Variants in NLRP13 observed in about 807,000 individuals in gnomAD.
The protein encoded by NLRP13 is NLR family pyrin domain containing 13.
In NLRP13, 82 loss-of-function variants were observed where a neutral mutation model predicts 94.4. The observed-to-expected ratio is 0.87, with a 90% CI of 0.73 to 1.04. The LOEUF is 1.04. Ranked by LOEUF, NLRP13 falls within the 50% of genes least tolerant of loss-of-function variation. The pLI, the probability that NLRP13 is intolerant of heterozygous loss-of-function variation, is 0.00. For missense variants in NLRP13, 1,426 were observed against 1,230.8 expected (o/e 1.16, Z -2.37); for synonymous variants, 553 against 464.7 (o/e 1.19, Z -2.45).
chr19:55,925,954 G>A (rs1986957059), intron 1 of NLRP13, among the ~76,000 whole-genome samples: 1 of 152,070 alleles, frequency 6.6e-6, no homozygotes, highest in Non-Finnish European at 1.5e-5. Context: ...CCCTACCTGT[G>A]GAGTCTGAGC....
chr19:55,920,405 T>C (rs1986788970), intron 4 of NLRP13, among the ~76,000 whole-genome samples: 1 of 152,034 alleles, frequency 6.6e-6, no homozygotes, highest in South Asian at 2.1e-4. Context: ...GGAAAAAATA[T>C]TTGCAAAGTA....
intron 7 of NLRP13, among the ~76,000 whole-genome samples, chr19:55,906,461 C>G (rs4239483): frequency 6.6e-6 from 1 of 151,768 alleles, no homozygotes; most frequent in African/African-American, 2.4e-5. Flanking sequence ...TCCCCAAAAC[C>G]TACCCACTGC....
In NLRP13 at chr19:55,925,046, C is replaced by T; in HGVS notation, c.320-11G>A. ...GGGTCTGCACATTCTCTGAAACAAA[C>T]AGTGATGATGACATATGAGAATACC... On this transcript the variant is annotated splice_polypyrimidine_tract_variant and intron_variant, in intron 1 of 10. Coordinates refer to ENST00000342929, the MANE Select transcript of NLRP13 (RefSeq NM_176810.2). The T allele has an allele frequency of 6.2e-7, 1 of 1,613,260 alleles. No individual in the cohort carries two copies. The highest frequency in any genetic ancestry group is 8.5e-7 in the Non-Finnish European group (1 of 1,179,310).
Position 55,898,716 on chromosome 19 carries a change from C to T in NLRP13, c.2957+54G>A, listed in dbSNP as rs1986082871. 5.3e-6 allele frequency: 8 copies of T among 1,506,394 alleles called. No homozygotes were observed. In the South Asian group the frequency reaches 9.2e-5, roughly 17 times the overall value. 93.3% of individuals were successfully genotyped at this position (1,506,394 alleles called of 1,614,324 possible). On this transcript the variant is annotated intron_variant, in intron 10 of 10. Coordinates refer to ENST00000342929, the MANE Select transcript of NLRP13 (RefSeq NM_176810.2). ...CCCGATGGGATCCGATCATATCTCC[C>T]CACCCGCAAGAGTAGAGAAGGAAGA...
chr19:55,893,889 C>T (rs1249453756), downstream of NLRP13, among the ~76,000 whole-genome samples: 1 of 152,062 alleles, frequency 6.6e-6, no homozygotes, highest in Non-Finnish European at 1.5e-5. Flanking sequence ...TTAAAATGCA[C>T]CACTGAAGTG....
chr19:55,907,119 C>T lies in NLRP13; in HGVS notation c.2447+673G>A, dbSNP rs556892199. Among the ~76,000 whole-genome samples, 12 of 152,106 alleles carry T rather than the reference C, an allele frequency of 7.9e-5. No homozygotes were observed. The East Asian group carries it at 1.9e-3, about 25-fold the overall frequency. On this transcript the variant is annotated intron_variant, in intron 7 of 10. Transcript: ENST00000342929. ...GATTACAGGCATGTGCCACCACACC[C>T]GGCTAATTTTTGTATTTTTTAGTAG...
chr19:55,901,852 C>A (rs992465751), intron 9 of NLRP13, among the ~76,000 whole-genome samples, 183 bp downstream of exon 9: 4 of 152,090 alleles, frequency 2.6e-5, no homozygotes, highest in Non-Finnish European at 5.9e-5. Flanking sequence ...GTCCCCCAGA[C>A]ACACACACAT....
At chr19:55,896,750 T>C (rs1600256448) in intron 10 of NLRP13, among the ~76,000 whole-genome samples, 1 of 133,002 alleles carries the variant, frequency 7.5e-6, no homozygotes. Context: ...GCCCACGGGG[T>C]GGAAGTAGCA....
intron 9 of NLRP13, among the ~76,000 whole-genome samples, chr19:55,899,460 C>T (rs1351280651): frequency 6.6e-6 from 1 of 151,450 alleles, no homozygotes; most frequent in Non-Finnish European, 1.5e-5. Context: ...AAGAGTCATC[C>T]AAAATCCTTA....
intron 4 of NLRP13, among the ~76,000 whole-genome samples, chr19:55,913,959 G>C (rs895831378): frequency 1.3e-5 from 2 of 152,092 alleles, no homozygotes; most frequent in South Asian, 4.1e-4. Flanking sequence ...GAGCAACAAG[G>C]GATTTGGGCA....
At chr19:55,892,378 T>C (rs12460333), downstream of NLRP13, among the ~76,000 whole-genome samples, 1,698 of 54,026 alleles carry the variant, frequency 0.031, 25 homozygotes, top group Admixed American at 0.13. Context: ...TATATGTATA[T>C]ACACACACAT....
chr19:55,894,432 C>A (rs1985943908), downstream of NLRP13, among the ~76,000 whole-genome samples: 1 of 152,168 alleles, frequency 6.6e-6, no homozygotes, highest in Non-Finnish European at 1.5e-5. Context: ...AAAGGGGCAA[C>A]ATAAAGCTTG....
intron 6 of NLRP13, among the ~76,000 whole-genome samples, chr19:55,908,704 T>A (rs2868045): frequency 2.0e-5 from 3 of 151,978 alleles, no homozygotes; most frequent in Non-Finnish European, 2.9e-5. Flanking sequence ...TCCTCACTTA[T>A]AAGTGGGAGC....
chr19:55,904,843 C>G (rs1006915080), intron 8 of NLRP13, 99 bp downstream of exon 8: 2 of 1,011,670 alleles, frequency 2.0e-6, no homozygotes, highest in African/African-American at 1.6e-5. Flanking sequence ...ATGAATGTTA[C>G]TTTTTAATAA....
At position 55,910,686 on chromosome 19, in the gene NLRP13, G is replaced by C. The variant is rs1294007684; in HGVS notation, c.2159C>G (p.Ser720Cys). 2 of 1,613,620 alleles carry C rather than the reference G, an allele frequency of 1.2e-6. No homozygotes were observed. The highest frequency in any genetic ancestry group is 4.5e-5 in the East Asian group (2 of 44,888). The change falls in exon 6 of 11, where the codon TCT becomes TGT. Residue 720 changes from serine to cysteine, a missense_variant. Physicochemically the swap from Ser to Cys is moderately radical, Grantham distance 112 (BLOSUM62 -1). Transcript: ENST00000342929. ...CAGATTCTCATTTGTGACCAACGTA[G>C]AGCAAATGCTGTTCCATGCGTGCAT... ...SRMHAWNSIC[S>C]TLVTNENLHE...
chr19:55,919,104 G>A (rs149654155), intron 4 of NLRP13, among the ~76,000 whole-genome samples: 309 of 152,126 alleles, frequency 2.0e-3, no homozygotes, highest in African/African-American at 6.0e-3. Flanking sequence ...CACATAAACA[G>A]AATTAAAAAC....
At chr19:55,899,696 C>T (rs572563265) in intron 9 of NLRP13, among the ~76,000 whole-genome samples, 2 of 152,238 alleles carry the variant, frequency 1.3e-5, no homozygotes, top group African/African-American at 4.8e-5. Flanking sequence ...AGGAGAATAG[C>T]TTAAACCCGG....
intron 6 of NLRP13, among the ~76,000 whole-genome samples, chr19:55,908,175 G>A (rs1041930828): frequency 3.3e-5 from 5 of 152,224 alleles, no homozygotes; most frequent in East Asian, 3.9e-4. Flanking sequence ...TTGCAGGTAC[G>A]AAGTCAGGGA....
intron 7 of NLRP13, among the ~76,000 whole-genome samples, chr19:55,906,604 G>C (rs1010137688): frequency 5.9e-5 from 9 of 152,066 alleles, no homozygotes; most frequent in African/African-American, 2.2e-4. Flanking sequence ...AGAGATCATT[G>C]TCTCCCAGGC....
Sources: gnomAD v4.1 joint callset for allele counts (sites outside exome capture counted in the v4.1 genomes callset) on GRCh38, gnomAD v4.1.1 for gene constraint, MANE v1.5 for transcripts, NCBI Gene and HGNC (gene_info 2026-07-23, HGNC 2026-07-21) for gene names.